Variants in MRPL39 observed in about 807,000 individuals in gnomAD.
MRPL39 encodes the protein large ribosomal subunit protein mL39.
A neutral mutation model predicts 44.5 loss-of-function variants in MRPL39; 35 were observed. That is an observed-to-expected ratio of 0.79 (90% CI 0.60 to 1.04). MRPL39 has a LOEUF of 1.04. Ranked by LOEUF, MRPL39 falls within the 50% of genes least tolerant of loss-of-function variation. MRPL39 has a pLI of 0.00. For missense variants in MRPL39, 433 were observed against 413.5 expected (o/e 1.05, Z -0.41); for synonymous variants, 139 against 136.1 (o/e 1.02, Z -0.15).
chr21:25,587,794 A>G, intron 9 of MRPL39: 1 of 1,600,736 alleles, frequency 6.2e-7, no homozygotes, highest in Non-Finnish European at 8.6e-7. Flanking sequence ...TGGAGTCTAG[A>G]AAGAAAAACT....
chr21:25,598,917 T>C (rs924050459), intron 5 of MRPL39, among the ~76,000 whole-genome samples: 1 of 150,916 alleles, frequency 6.6e-6, no homozygotes, highest in African/African-American at 2.4e-5. Context: ...ATATAAGGCT[T>C]ATATATTTTC....
Position 25,599,790 on chromosome 21 carries a change from T to C in MRPL39, c.588+9A>G. The C allele has an allele frequency of 6.2e-7, 1 of 1,601,420 alleles. No individual in the cohort carries two copies. The highest frequency in any genetic ancestry group is 8.6e-7 in the Non-Finnish European group (1 of 1,168,840). ...CTCTAAAATTAATACTCCAGAAGAATACACTTACTTTTGTTGGCATCCACT... is the reference window on the plus strand; with the variant it reads ...CTCTAAAATTAATACTCCAGAAGAACACACTTACTTTTGTTGGCATCCACT... On this transcript the variant is annotated intron_variant, in intron 5 of 9. Transcript: ENST00000352957.
intron 9 of MRPL39, chr21:25,587,739 G>C: frequency 2.5e-6 from 4 of 1,613,042 alleles, no homozygotes; most frequent in Non-Finnish European, 3.4e-6. Flanking sequence ...ACTCAGGCGA[G>C]GTAGTGAAGA....
At chr21:25,602,499 T>G (rs1028194215) in intron 3 of MRPL39, among the ~76,000 whole-genome samples, 1 of 152,252 alleles carries the variant, frequency 6.6e-6, no homozygotes, top group African/African-American at 2.4e-5. Flanking sequence ...GCTATTACTG[T>G]CATTTCTATC....
At chr21:25,603,956 G>A (rs750986056) in intron 2 of MRPL39, 21 bp from the exon 3 acceptor site, 1 of 1,593,264 alleles carries the variant, frequency 6.3e-7, no homozygotes, top group Middle Eastern at 1.7e-4. Context: ...AAAACAGACT[G>A]ATTATCTAAC....
At chr21:25,604,872 A>C (rs2031618273) in intron 2 of MRPL39, among the ~76,000 whole-genome samples, 1 of 152,226 alleles carries the variant, frequency 6.6e-6, no homozygotes, top group Admixed American at 6.5e-5. Flanking sequence ...GACTGCAAGC[A>C]TGAATGACAA....
At chr21:25,598,867 A>AC (rs2031439906) in intron 5 of MRPL39, among the ~76,000 whole-genome samples, 1 of 151,968 alleles carries the variant, frequency 6.6e-6, no homozygotes, top group Admixed American at 6.6e-5. Flanking sequence ...AAAAAAAAAA[A>AC]AAAAAAACAC....
chr21:25,607,118 T>A (rs949474522), intron 1 of MRPL39, among the ~76,000 whole-genome samples: 3 of 152,252 alleles, frequency 2.0e-5, no homozygotes, highest in African/African-American at 7.2e-5. Context: ...CATGGACAGA[T>A]GTGCACGGAA....
At position 25,607,446 on chromosome 21, in the gene MRPL39, C is replaced by G. The variant is rs146076589; in HGVS notation, c.30G>C (p.Ala10=). Residue 10 remains alanine (A), a synonymous_variant, in exon 1 of 10, where the codon GCG becomes GCC. Coordinates refer to ENST00000352957, the MANE Select transcript of MRPL39 (RefSeq NM_017446.4). ...CGGGTGCGACCAGCCAGAGCCGCAG[C>G]GCCCGGGAACCCATGGCCAGCGCCT... The part of the protein sequence containing the change: MEALAMGSR[A]LRLWLVAPGG... The G allele has an allele frequency of 1.1e-5, 18 of 1,613,082 alleles. 1 individual carries two copies. The Admixed American group carries it at 2.8e-4, about 25-fold the overall frequency.
chr21:25,586,430 A>G (rs1452423559), intron 9 of MRPL39, among the ~76,000 whole-genome samples: 1 of 152,190 alleles, frequency 6.6e-6, no homozygotes, highest in Middle Eastern at 3.2e-3. Flanking sequence ...TCCCCCTAAC[A>G]GAACTCTTGG....
intron 8 of MRPL39, among the ~76,000 whole-genome samples, chr21:25,589,301 CA>C (rs1430940131): frequency 6.6e-6 from 1 of 152,098 alleles, no homozygotes; most frequent in African/African-American, 2.4e-5. Context: ...AAATCATAAG[CA>C]ATCACAAGAA....
intron 1 of MRPL39, 62 bp from the exon 2 acceptor site, chr21:25,606,717 C>A (rs2031687345): frequency 9.7e-6 from 13 of 1,336,726 alleles, no homozygotes; most frequent in Non-Finnish European, 1.4e-5. Context: ...GCCAAAAGTG[C>A]GCTCAGAGGT....
chr21:25,598,557 T>C (rs2031430005), intron 5 of MRPL39, among the ~76,000 whole-genome samples: 1 of 151,976 alleles, frequency 6.6e-6, no homozygotes, highest in South Asian at 2.1e-4. Flanking sequence ...AATCTTAAAT[T>C]TGGAGACATA....
intron 2 of MRPL39, among the ~76,000 whole-genome samples, chr21:25,604,287 C>A (rs2031604548): frequency 6.6e-6 from 1 of 151,790 alleles, no homozygotes; most frequent in African/African-American, 2.4e-5. Flanking sequence ...AAAATAATAC[C>A]CAATATACTC....
intron 5 of MRPL39, among the ~76,000 whole-genome samples, chr21:25,599,003 A>C (rs993252548): frequency 3.3e-5 from 5 of 152,196 alleles, no homozygotes; most frequent in African/African-American, 4.8e-5. Flanking sequence ...CCCTTTTCAG[A>C]TCTCCAGACT....
chr21:25,591,844 T>C (rs2031188336), intron 8 of MRPL39, among the ~76,000 whole-genome samples: 1 of 152,196 alleles, frequency 6.6e-6, no homozygotes, highest in African/African-American at 2.4e-5. Flanking sequence ...CAGAGAAATA[T>C]TCACAAAAAC....
chr21:25,606,781 G>T, intron 1 of MRPL39, 126 bp from the exon 2 acceptor site: 1 of 690,434 alleles, frequency 1.4e-6, no homozygotes, highest in Non-Finnish European at 2.4e-6. Context: ...AACAGAGCTG[G>T]CCCAGATACG....
In MRPL39 at chr21:25,601,471, G is replaced by GAA; in HGVS notation, c.421-6_421-5dup. The GAA allele has an allele frequency of 6.5e-7, 1 of 1,550,074 alleles. No homozygotes were observed. Among genetic ancestry groups the GAA allele is most frequent in the East Asian group, 2.3e-5 (1 of 43,656 alleles). The stretch of plus-strand genomic sequence containing the variant: ...TAGCACAGGAACGCCAATATGCCTA[G>GAA]AAAAAAAATATACATATATAAAATA... On this transcript the variant is annotated splice_polypyrimidine_tract_variant and splice_region_variant and intron_variant, in intron 3 of 9. Coordinates refer to ENST00000352957, the MANE Select transcript of MRPL39 (RefSeq NM_017446.4).
chr21:25,586,157 C>A (rs2030991713), intron 9 of MRPL39, among the ~76,000 whole-genome samples: 1 of 152,170 alleles, frequency 6.6e-6, no homozygotes, highest in South Asian at 2.1e-4. Flanking sequence ...ATAGATATCT[C>A]TATGTCCCTA....
Sources: gnomAD v4.1 joint callset for allele counts (sites outside exome capture counted in the v4.1 genomes callset) on GRCh38, gnomAD v4.1.1 for gene constraint, MANE v1.5 for transcripts, NCBI Gene and HGNC (gene_info 2026-07-23, HGNC 2026-07-21) for gene names.